DNMT3A: variants seen among roughly 807,000 people sequenced by gnomAD.
DNMT3A encodes the protein DNA methyltransferase 3 alpha, also known as DNA (cytosine-5)-methyltransferase 3A.
In DNMT3A, 267 loss-of-function variants were observed where a neutral mutation model predicts 117.6. The ratio of observed to expected loss-of-function variants is 2.27; its 90% CI spans 2.05 to 2.51. The LOEUF (loss-of-function observed/expected upper bound fraction) is 2.51, where lower values mean the gene tolerates loss of function less well. DNMT3A is among the 30% of genes most tolerant of loss of function. DNMT3A has a pLI of 0.00. For missense variants in DNMT3A, 1,029 were observed against 1,260.2 expected (o/e 0.82, Z 2.78); for synonymous variants, 432 against 474.8 (o/e 0.91, Z 1.17).
Position 25,248,197 on chromosome 2 carries a change from C to A in DNMT3A, c.695G>T (p.Gly232Val). The stretch of plus-strand genomic sequence containing the variant: ...CTCCACCTTCTGAGACTCCCCGGGC[C>A]CCTGGTTTTCTTCCACAGCATTCAT... ...AGMNAVEENQ[G>V]PGESQKVEEA... The change falls in exon 7 of 23, where the codon GGG (glycine) becomes GTG (valine). Residue 232 changes from glycine to valine, a missense_variant. Gly to Val is a moderately radical substitution (Grantham distance 109). Coordinates refer to ENST00000321117, the MANE Select transcript of DNMT3A (RefSeq NM_022552.5). 2 of 1,613,206 alleles carry A rather than the reference C, an allele frequency of 1.2e-6. No homozygotes were observed. The highest frequency in any genetic ancestry group is 1.7e-6 in the Non-Finnish European group (2 of 1,179,780).
rs140206693 is a variant in DNMT3A, at chr2:25,293,321, A to G, written c.177+6818T>C. ...CCTCTCCCAGCATGTGCTCATGCTC[A>G]GGGATGAACGCCATGCTCATGGGTG... On this transcript the variant is annotated intron_variant, in intron 3 of 22. Transcript: ENST00000321117. The surrounding 1 kb of genome is among the most constrained non-coding windows in gnomAD (Gnocchi z 4.7). Among the ~76,000 whole-genome samples, 1 of 152,022 alleles carries G rather than the reference A, an allele frequency of 6.6e-6. No individual in the cohort carries two copies. The highest frequency in any genetic ancestry group is 1.5e-5 in the Non-Finnish European group (1 of 67,960).
intron 1 of DNMT3A, among the ~76,000 whole-genome samples, chr2:25,315,862 C>G (rs1558736907): frequency 6.6e-6 from 1 of 152,238 alleles, no homozygotes; most frequent in African/African-American, 2.4e-5. Context: ...TTTGTTACCA[C>G]AGACATCTCC....
rs57190448 is a variant in DNMT3A, at chr2:25,288,196, C to A, written c.178-5485G>T. Among the ~76,000 whole-genome samples the A allele has an allele frequency of 1.0e-3, 146 of 146,570 alleles. 2 individuals are homozygous for A. Among genetic ancestry groups the A allele is most frequent in the Non-Finnish European group, 2.4e-4 (16 of 66,146 alleles). ...ACGCCTGTAATCCCAGCACTTTGGGCGGCTGAGGCGGGTGGATCATGAGGT... is the reference window on the plus strand; with the variant it reads ...ACGCCTGTAATCCCAGCACTTTGGGAGGCTGAGGCGGGTGGATCATGAGGT... On this transcript the variant is annotated intron_variant, in intron 3 of 22. Coordinates refer to ENST00000321117, the MANE Select transcript of DNMT3A (RefSeq NM_022552.5).
At chr2:25,251,541 C>T (rs942782644) in intron 6 of DNMT3A, among the ~76,000 whole-genome samples, 2 of 152,162 alleles carry the variant, frequency 1.3e-5, no homozygotes, top group Non-Finnish European at 2.9e-5. Context: ...TGTCCCGCCT[C>T]CACCTCCCCC....
intron 6 of DNMT3A, among the ~76,000 whole-genome samples, chr2:25,259,726 C>A (rs961970728): frequency 6.6e-6 from 1 of 152,092 alleles, no homozygotes; most frequent in South Asian, 2.1e-4. Flanking sequence ...ACCCTTCCCC[C>A]ACCCCTTCTC....
chr2:25,295,308 G>T (rs2033025299), intron 3 of DNMT3A, among the ~76,000 whole-genome samples: 1 of 152,216 alleles, frequency 6.6e-6, no homozygotes. Flanking sequence ...CCCTGGCCCA[G>T]GTGCCAGCTC....
intron 1 of DNMT3A, among the ~76,000 whole-genome samples, chr2:25,328,473 T>C (rs2034872114): frequency 6.6e-6 from 1 of 152,030 alleles, no homozygotes; most frequent in South Asian, 2.1e-4. Flanking sequence ...ACCGTCCCCT[T>C]CTCCTCGACC....
chr2:25,300,584 T>A (rs2033375020), intron 2 of DNMT3A, among the ~76,000 whole-genome samples: 1 of 137,930 alleles, frequency 7.3e-6, no homozygotes, highest in Non-Finnish European at 1.5e-5. Context: ...TCTATAAAAA[T>A]ACCCACACCC....
rs1213819815 is a variant in DNMT3A at position 25,296,501 on chromosome 2, C to T, written c.177+3638G>A. Reference sequence around the variant, plus strand: ...TCTTGTCCCCTAAAAAATGGAGTCCCGGGGGGTTCCTGAAGAAGGACGTGC... The same window carrying T: ...TCTTGTCCCCTAAAAAATGGAGTCCTGGGGGGTTCCTGAAGAAGGACGTGC... On this transcript the variant is annotated intron_variant, in intron 3 of 22. Coordinates refer to ENST00000321117, the MANE Select transcript of DNMT3A (RefSeq NM_022552.5). This position sits in a 1 kb window ranked among gnomAD's most constrained non-coding sequence, Gnocchi z 4.2. Among the ~76,000 whole-genome samples the T allele has an allele frequency of 1.3e-5, 2 of 152,096 alleles. No homozygotes were observed. Among genetic ancestry groups the T allele is most frequent in the Non-Finnish European group, 2.9e-5 (2 of 68,030 alleles).
chr2:25,318,704 T>TC (rs1296793294), intron 1 of DNMT3A, among the ~76,000 whole-genome samples: 1 of 149,210 alleles, frequency 6.7e-6, no homozygotes, highest in African/African-American at 2.5e-5. Flanking sequence ...TTTTCTTTTT[T>TC]TTTTTTTTTT....
chr2:25,229,468 A>C lies in DNMT3A; in HGVS notation c.*4811T>G, dbSNP rs1248462752. 1.3e-5 allele frequency: 2 copies of C among 152,242 alleles called. No individual in the cohort carries two copies. Among genetic ancestry groups the C allele is most frequent in the African/African-American group, 2.4e-5 (1 of 41,460 alleles). 9.4% of individuals were successfully genotyped at this position (152,242 alleles called of 1,614,324 possible). ...GAGGACAACTCCAGGGTCGCTCTCT[A>C]GTCTCCAGCACTGAGAGCAGGCAGC... On this transcript the variant is annotated 3_prime_UTR_variant, in exon 23 of 23. Transcript: ENST00000321117.
chr2:25,282,621 T>C lies in DNMT3A; in HGVS notation c.268A>G (p.Asn90Asp). The change falls in exon 4 of 23, where the codon AAT (asparagine) becomes GAT (aspartate). Residue 90 changes from asparagine to aspartate, a missense_variant. Transcript: ENST00000321117. The surrounding 1 kb of genome is among the most constrained non-coding windows in gnomAD (Gnocchi z 5.2). ...TCACTCCGCTTCTCCAAGTCCCCAT[T>C]GGGTAATAGCTCTGAGGCGCCTGAG... is the stretch of plus-strand genomic sequence containing the variant. ...QDSGASELLP[N>D]GDLEKRSEPQ... 6.2e-6 allele frequency: 10 copies of C among 1,613,526 alleles called. No individual in the cohort carries two copies. Among genetic ancestry groups the C allele is most frequent in the Non-Finnish European group, 8.5e-6 (10 of 1,179,886 alleles).
chr2:25,250,564 C>G (rs1437157540), intron 6 of DNMT3A, among the ~76,000 whole-genome samples: 1 of 152,198 alleles, frequency 6.6e-6, no homozygotes, highest in Admixed American at 6.5e-5. Context: ...AATTAGCCAT[C>G]GCCTCCTCCC....
At chr2:25,259,396 ACTGAGCAGGGCG>A (rs1676424101) in intron 6 of DNMT3A, among the ~76,000 whole-genome samples, 1 of 152,166 alleles carries the variant, frequency 6.6e-6, no homozygotes, top group African/African-American at 2.4e-5. Context: ...CAGGTCTTTC[ACTGAGCAGGGCG>A]CTGAGCAGGG....
chr2:25,278,854 C>T (rs1422651846), intron 4 of DNMT3A, among the ~76,000 whole-genome samples: 3 of 152,134 alleles, frequency 2.0e-5, no homozygotes, highest in East Asian at 1.9e-4. Context: ...ATCTTCCTCC[C>T]GTGATCACAC....
At chr2:25,246,374 C>A in intron 10 of DNMT3A, 65 bp from the exon 11 acceptor site, 2 of 1,539,944 alleles carry the variant, frequency 1.3e-6, no homozygotes, top group South Asian at 2.5e-5. Context: ...CCCCTTCCCC[C>A]ACCCTCCTTA....
Position 25,247,911 on chromosome 2 carries a change from G to A in DNMT3A, c.855+126C>T. The A allele has an allele frequency of 6.6e-7, 1 of 1,517,330 alleles. No individual in the cohort carries two copies. The highest frequency in any genetic ancestry group is 8.9e-7 in the Non-Finnish European group (1 of 1,126,688). 94.0% of individuals were successfully genotyped at this position (1,517,330 alleles called of 1,614,324 possible). A position where few individuals can be genotyped will look rare whatever the true frequency, so the allele number is the denominator to read the frequency against. Reference sequence around the variant, plus strand: ...CAGAGCAAAATCGGGGAGACGAAGAGGCCCGGGGTCAGGTGGAGAGAGCGA... The same window carrying A: ...CAGAGCAAAATCGGGGAGACGAAGAAGCCCGGGGTCAGGTGGAGAGAGCGA... On this transcript the variant is annotated intron_variant, in intron 7 of 22. Coordinates refer to ENST00000321117, the MANE Select transcript of DNMT3A (RefSeq NM_022552.5). This position sits in a 1 kb window ranked among gnomAD's most constrained non-coding sequence, Gnocchi z 5.6.
In DNMT3A at chr2:25,286,948, G is replaced by A. The variant is rs1378554691; in HGVS notation, c.178-4237C>T. ...GCAGAGACTTTGCTCGATCTGGAGG[G>A]CAGAGACTTTGCTCGATCCGGCTAG... On this transcript the variant is annotated intron_variant, in intron 3 of 22. Transcript: ENST00000321117. This position sits in a 1 kb window ranked among gnomAD's most constrained non-coding sequence, Gnocchi z 4.3. Among the ~76,000 whole-genome samples, 4 of 152,224 alleles carry A rather than the reference G, an allele frequency of 2.6e-5. No homozygotes were observed. Among genetic ancestry groups the A allele is most frequent in the Non-Finnish European group, 5.9e-5 (4 of 68,052 alleles).
intron 17 of DNMT3A, among the ~76,000 whole-genome samples, chr2:25,241,122 C>A (rs1317008485): frequency 6.6e-6 from 1 of 152,188 alleles, no homozygotes; most frequent in Non-Finnish European, 1.5e-5. Context: ...TAAGGGAAGA[C>A]CCTGCCTGAG....
Sources: allele counts gnomAD v4.1 joint callset (sites outside exome capture counted in the v4.1 genomes callset), GRCh38; gene constraint gnomAD v4.1.1; non-coding constraint Gnocchi (gnomAD v3.1); transcripts MANE v1.5; gene names NCBI Gene and HGNC (gene_info 2026-07-23, HGNC 2026-07-21).